Variants in SH3GL2 observed in about 807,000 individuals in gnomAD.
SH3GL2 encodes the protein SH3 domain containing GRB2 like 2, endophilin A1, also known as endophilin-A1.
A neutral mutation model predicts 46.0 loss-of-function variants in SH3GL2; 24 were observed. The observed-to-expected ratio is 0.52, with a 90% CI of 0.38 to 0.73. The LOEUF is 0.73. SH3GL2 is among the 30% of genes least tolerant of loss of function. The pLI is 0.00. For missense variants in SH3GL2, 413 were observed against 424.2 expected (o/e 0.97, Z 0.23); for synonymous variants, 196 against 147.1 (o/e 1.33, Z -2.40).
chr9:17,742,524 GT>G (rs1822556103), intron 1 of SH3GL2, among the ~76,000 whole-genome samples: 1 of 152,176 alleles, frequency 6.6e-6, no homozygotes, highest in South Asian at 2.1e-4. Flanking sequence ...AATTTGAGCT[GT>G]TTGAAATACC....
intron 1 of SH3GL2, among the ~76,000 whole-genome samples, chr9:17,713,797 G>A (rs188977505): frequency 6.6e-6 from 1 of 151,780 alleles, no homozygotes; most frequent in African/African-American, 2.4e-5. Context: ...TTATGGTCAA[G>A]AATATTGCCT....
rs953523610 is a variant in SH3GL2 at position 17,795,892 on chromosome 9, G to T, written c.*149G>T. ...CCAAGTGACTTTGGTTGACTTGTGG[G>T]CTCCCACAGGAGTCATGGTGATGGA... On this transcript the variant is annotated 3_prime_UTR_variant, in exon 9 of 9. Coordinates refer to ENST00000380607, the MANE Select transcript of SH3GL2 (RefSeq NM_003026.5). 35 of 638,410 alleles carry T rather than the reference G, an allele frequency of 5.5e-5. No individual in the cohort carries two copies. The African/African-American group carries it at 6.2e-4, about 11-fold the overall frequency. The allele number at this position is 638,410 out of a possible 1,614,324, so 39.5% of individuals were successfully genotyped here. A position where few individuals can be genotyped will look rare whatever the true frequency, so the allele number is the denominator to read the frequency against.
intron 1 of SH3GL2, among the ~76,000 whole-genome samples, chr9:17,604,037 C>T (rs1384541841): frequency 6.6e-6 from 1 of 152,138 alleles, no homozygotes; most frequent in African/African-American, 2.4e-5. Context: ...AGTTTCTGGT[C>T]ATGGTGGGGT....
In SH3GL2 at chr9:17,745,432, T is replaced by C. The variant is rs117179558; in HGVS notation, c.46-1634T>C. Among the ~76,000 whole-genome samples the C allele has an allele frequency of 5.2e-3, 790 of 152,298 alleles. 14 individuals carry two copies. The highest frequency in any genetic ancestry group is 0.036 in the Admixed American group (547 of 15,302). The stretch of plus-strand genomic sequence containing the variant: ...CAGACATATGCTCTTACAATTCTTA[T>C]GCCATTTAATTTTCATAACCGCTCT... On this transcript the variant is annotated intron_variant, in intron 1 of 8. Transcript: ENST00000380607.
At chr9:17,659,804 T>G (rs543716751) in intron 1 of SH3GL2, among the ~76,000 whole-genome samples, 2 of 152,318 alleles carry the variant, frequency 1.3e-5, no homozygotes, top group Admixed American at 6.5e-5. Context: ...AGGAAATATC[T>G]TCTAGTTTAA....
rs72717213 is a variant in SH3GL2 at position 17,761,753 on chromosome 9, G to A, written c.187+244G>A. On this transcript the variant is annotated intron_variant, in intron 3 of 8. Coordinates refer to ENST00000380607, the MANE Select transcript of SH3GL2 (RefSeq NM_003026.5). ...GACTGTGGTATATTTAACAAATAAT[G>A]TATGCAAACAGTTCAGGTGACACAT... Among the ~76,000 whole-genome samples the A allele has an allele frequency of 7.9e-5, 12 of 152,330 alleles. No individual in the cohort carries two copies. In the East Asian group the frequency reaches 2.3e-3, roughly 29 times the overall value.
intron 2 of SH3GL2, among the ~76,000 whole-genome samples, chr9:17,759,499 T>C (rs10810848): frequency 0.17 from 26,558 of 152,118 alleles, 3,230 homozygotes; most frequent in East Asian, 0.58. Context: ...AAGTATAGGA[T>C]GGTCATTAAG....
chr9:17,689,728 C>G (rs1821023537), intron 1 of SH3GL2, among the ~76,000 whole-genome samples: 3 of 152,028 alleles, frequency 2.0e-5, no homozygotes, highest in Admixed American at 2.0e-4. Flanking sequence ...TCATTTAGGT[C>G]TTTGGGCAAA....
rs570258458 is a variant in SH3GL2 at position 17,663,936 on chromosome 9, C to T, written c.46-83130C>T. Among the ~76,000 whole-genome samples the T allele has an allele frequency of 5.2e-4, 79 of 152,294 alleles. 1 individual carries two copies. Among genetic ancestry groups the T allele is most frequent in the Non-Finnish European group, 1.1e-3 (73 of 68,024 alleles). Reference sequence around the variant, plus strand: ...TTTTTTGTTATGGAGAGAGACACTTCTCTAGTCTCCATTTCTTGGTTACTG... The same window carrying T: ...TTTTTTGTTATGGAGAGAGACACTTTTCTAGTCTCCATTTCTTGGTTACTG... On this transcript the variant is annotated intron_variant, in intron 1 of 8. Coordinates refer to ENST00000380607, the MANE Select transcript of SH3GL2 (RefSeq NM_003026.5).
chr9:17,713,224 C>G (rs903430321), intron 1 of SH3GL2, among the ~76,000 whole-genome samples: 11 of 151,376 alleles, frequency 7.3e-5, no homozygotes, highest in African/African-American at 2.2e-4. Context: ...CCACTTATCC[C>G]TCTAAAATTT....
In SH3GL2 at chr9:17,645,173, T is replaced by G. The variant is rs1436618732; in HGVS notation, c.45+65886T>G. On this transcript the variant is annotated intron_variant, in intron 1 of 8. Coordinates refer to ENST00000380607, the MANE Select transcript of SH3GL2 (RefSeq NM_003026.5). ...CTGCTTTTTTTTTTTTTTTTTTTTTTTTTTTTTTTGCTTTCCATTGCTTGG... is the reference window on the plus strand; with the variant it reads ...CTGCTTTTTTTTTTTTTTTTTTTTTGTTTTTTTTTGCTTTCCATTGCTTGG... Among the ~76,000 whole-genome samples the G allele has an allele frequency of 4.9e-5, 5 of 102,030 alleles. No homozygotes were observed. The East Asian group carries it at 1.8e-3, about 37-fold the overall frequency. The allele number at this position is 102,030 out of a possible 152,430, so 66.9% of individuals were successfully genotyped here.
intron 1 of SH3GL2, among the ~76,000 whole-genome samples, chr9:17,597,726 A>G (rs1818600591): frequency 6.6e-6 from 1 of 152,148 alleles, no homozygotes; most frequent in South Asian, 2.1e-4. Context: ...TTTTCTTATC[A>G]GATTATGGAA....
At chr9:17,752,827 ATTAG>A (rs1181050615) in intron 2 of SH3GL2, among the ~76,000 whole-genome samples, 1 of 152,064 alleles carries the variant, frequency 6.6e-6, no homozygotes, top group African/African-American at 2.4e-5. Flanking sequence ...CCTAGTACTC[ATTAG>A]TTATTTTTCC....
intron 1 of SH3GL2, among the ~76,000 whole-genome samples, chr9:17,649,264 G>A (rs1024067152): frequency 6.6e-6 from 1 of 152,140 alleles, no homozygotes; most frequent in Non-Finnish European, 1.5e-5. Flanking sequence ...GCAGGGTTTT[G>A]CCGTGTTGGC....
intron 1 of SH3GL2, among the ~76,000 whole-genome samples, chr9:17,655,931 G>A (rs137901821): frequency 9.8e-4 from 150 of 152,328 alleles, no homozygotes; most frequent in African/African-American, 3.5e-3. Flanking sequence ...CAGAAGAAAA[G>A]TGCTTTTAAA....
chr9:17,718,015 C>T (rs2093682922), intron 1 of SH3GL2, among the ~76,000 whole-genome samples: 1 of 152,078 alleles, frequency 6.6e-6, no homozygotes, highest in Admixed American at 6.6e-5. Flanking sequence ...GTTATTTGGG[C>T]TTGGCTCTTG....
intron 1 of SH3GL2, among the ~76,000 whole-genome samples, chr9:17,706,030 A>AG (rs1391629544): frequency 6.6e-6 from 1 of 152,106 alleles, no homozygotes; most frequent in Non-Finnish European, 1.5e-5. Flanking sequence ...AGGGCTAAAA[A>AG]CTGATCAAAG....
chr9:17,674,993 G>A (rs975635312), intron 1 of SH3GL2, among the ~76,000 whole-genome samples: 9 of 152,176 alleles, frequency 5.9e-5, no homozygotes, highest in African/African-American at 1.7e-4. Flanking sequence ...AGGTTACATT[G>A]CCAAGGGGTG....
At chr9:17,681,297 T>G (rs928865515) in intron 1 of SH3GL2, among the ~76,000 whole-genome samples, 2 of 152,112 alleles carry the variant, frequency 1.3e-5, no homozygotes, top group Non-Finnish European at 2.9e-5. Flanking sequence ...ACTACTACAG[T>G]GAGTAGTACT....
Sources: allele counts gnomAD v4.1 joint callset (sites outside exome capture counted in the v4.1 genomes callset), GRCh38; gene constraint gnomAD v4.1.1; transcripts MANE v1.5; gene names NCBI Gene and HGNC (gene_info 2026-07-23, HGNC 2026-07-21).